The following BRCA2 variants were observed in gnomAD, a reference collection of about 807,000 sequenced individuals.
The protein encoded by BRCA2 is BRCA2 DNA repair associated.
Under a neutral mutation model 276.7 loss-of-function variants are expected in BRCA2, and 203 were observed. That is an observed-to-expected ratio of 0.73 (90% CI 0.65 to 0.82). The LOEUF is 0.82. Among genes scored for constraint, BRCA2 ranks in the 40% least tolerant of loss-of-function variants. The pLI is 0.00. For synonymous variants in BRCA2, 1,289 were observed against 1,338.4 expected (o/e 0.96, Z 0.81); for missense variants, 3,920 against 3,915.0 (o/e 1.00, Z -0.03).
chr13:32,340,132 G>A lies in BRCA2; in HGVS notation c.5777G>A (p.Ser1926Asn), dbSNP rs869320795. 3 of 1,613,368 alleles carry A rather than the reference G, an allele frequency of 1.9e-6. No individual in the cohort carries two copies. The highest frequency in any genetic ancestry group is 2.2e-5 in the East Asian group (1 of 44,854). Reference sequence around the variant, plus strand: ...CATAAGGTTTTTGCTGACATTCAGAGTGAAGAAATTTTACAACATAACCAA... The same window carrying A: ...CATAAGGTTTTTGCTGACATTCAGAATGAAGAAATTTTACAACATAACCAA... ...HSHKVFADIQSEEILQHNQNM... is the reference protein window; with the variant it reads ...HSHKVFADIQNEEILQHNQNM... Residue 1926 changes from serine (S) to asparagine (N), a missense_variant, in exon 11 of 27, where the codon AGT becomes AAT. By Grantham distance (46) the Ser-to-Asn change is conservative (BLOSUM62 1). Transcript: ENST00000380152.
chr13:32,389,613 C>T (rs1404870852), intron 24 of BRCA2, among the ~76,000 whole-genome samples: 1 of 152,182 alleles, frequency 6.6e-6, no homozygotes, highest in Non-Finnish European at 1.5e-5. Flanking sequence ...TTCCCTCTGG[C>T]CTCTGGTTTT....
In BRCA2 at chr13:32,339,582, A is replaced by G. The variant is rs397507348; in HGVS notation, c.5227A>G (p.Ser1743Gly). The change falls in exon 11 of 27, where the codon AGT (serine) becomes GGT (glycine). Residue 1743 changes from serine to glycine, a missense_variant. Ser to Gly is a moderately conservative substitution (Grantham distance 56, BLOSUM62 0). Around this residue, in one of 2 missense-constraint regions of BRCA2, gnomAD observed 3,263 missense variants for 3,156.9 expected, o/e 1.03. Coordinates refer to ENST00000380152, the MANE Select transcript of BRCA2 (RefSeq NM_000059.4). ...AAAACAAGATACTTATTTAAGTAACAGTAGCATGTCTAACAGCTATTCCTA... is the reference window on the plus strand; with the variant it reads ...AAAACAAGATACTTATTTAAGTAACGGTAGCATGTCTAACAGCTATTCCTA... ...SEKQDTYLSN[S>G]SMSNSYSYHS... The G allele has an allele frequency of 2.5e-6, 4 of 1,610,778 alleles. No individual in the cohort carries two copies. Among genetic ancestry groups the G allele is most frequent in the Non-Finnish European group, 3.4e-6 (4 of 1,177,676 alleles).
At chr13:32,375,617 A>C (rs984834169) in intron 20 of BRCA2, among the ~76,000 whole-genome samples, 1 of 151,330 alleles carries the variant, frequency 6.6e-6, no homozygotes, top group African/African-American at 2.4e-5. Context: ...CTGGAGTGCA[A>C]TGGCGTGATC....
At chr13:32,393,024 C>G (rs974150865) in intron 24 of BRCA2, among the ~76,000 whole-genome samples, 3 of 151,928 alleles carry the variant, frequency 2.0e-5, no homozygotes, top group African/African-American at 7.3e-5. Context: ...TTTCTCATGA[C>G]TAGGATGAAG....
chr13:32,338,005 G>A lies in BRCA2; in HGVS notation c.3650G>A (p.Arg1217Lys), dbSNP rs1306577496. ...ACAGATGAAAATGAAGTGGGGTTTA[G>A]GGGCTTTTATTCTGCTCATGGCACA... ...YLTDENEVGF[R>K]GFYSAHGTKL... The change falls in exon 11 of 27, where the codon AGG becomes AAG. Residue 1217 changes from arginine to lysine, a missense_variant. Physicochemically the swap from Arg to Lys is conservative, Grantham distance 26. This residue lies in a region of BRCA2 where 3,263 missense variants were observed against 3,156.9 expected (regional missense o/e 1.03). Coordinates refer to ENST00000380152, the MANE Select transcript of BRCA2 (RefSeq NM_000059.4). 1.2e-6 allele frequency: 2 copies of A among 1,613,118 alleles called. No homozygotes were observed. The highest frequency in any genetic ancestry group is 1.3e-5 in the African/African-American group (1 of 74,880).
At chr13:32,320,513 T>C (rs535575693) in intron 3 of BRCA2, among the ~76,000 whole-genome samples, 30 of 152,298 alleles carry the variant, frequency 2.0e-4, no homozygotes, top group Admixed American at 2.0e-3. Context: ...ACCTACTTTT[T>C]CCCTACTTTT....
chr13:32,383,264 G>A (rs1216131622), intron 24 of BRCA2, among the ~76,000 whole-genome samples: 1 of 152,162 alleles, frequency 6.6e-6, no homozygotes, highest in Non-Finnish European at 1.5e-5. Context: ...GGAGGCAGAG[G>A]CAGGAGAATG....
chr13:32,316,579 T>TA (rs1375877122), intron 2 of BRCA2, 52 bp downstream of exon 2: 2 of 1,517,422 alleles, frequency 1.3e-6, no homozygotes, highest in Non-Finnish European at 1.8e-6. Flanking sequence ...AAGTGTTTTC[T>TA]AAAAAATGCT....
intron 20 of BRCA2, 36 bp downstream of exon 20, chr13:32,371,136 A>G (rs1032919520): frequency 1.9e-6 from 3 of 1,600,978 alleles, no homozygotes; most frequent in African/African-American, 1.3e-5. Flanking sequence ...TGTTATTTCT[A>G]ATATGAGAAC....
Position 32,337,347 on chromosome 13 carries a change from G to C in BRCA2, c.2992G>C (p.Gly998Arg), listed in dbSNP as rs777615894. The change falls in exon 11 of 27, where the codon GGT becomes CGT. Residue 998 changes from glycine (G) to arginine (R), a missense_variant. Gly to Arg is a moderately radical substitution (Grantham distance 125). Transcript: ENST00000380152. Reference protein sequence around the residue: ...DYMNKWAGLLGPISNHSFGGS... With the variant: ...DYMNKWAGLLRPISNHSFGGS... Reference sequence around the variant, plus strand: ...CATGAACAAATGGGCAGGACTCTTAGGTCCAATTTCAAATCACAGTTTTGG... The same window carrying C: ...CATGAACAAATGGGCAGGACTCTTACGTCCAATTTCAAATCACAGTTTTGG... The C allele has an allele frequency of 6.2e-7, 1 of 1,613,730 alleles. No homozygotes were observed. Among genetic ancestry groups the C allele is most frequent in the South Asian group, 1.1e-5 (1 of 91,054 alleles).
rs1274827989 is a variant in BRCA2 at position 32,333,054 on chromosome 13, G to C, written c.1576G>C (p.Asp526His). ...FNASFSGHMT[D>H]PNFKKETEAS... ...TGCAAGTTTTTCAGGTCATATGACT[G>C]ATCCAAACTTTAAAAAAGAAACTGA... is the stretch of plus-strand genomic sequence containing the variant. The change falls in exon 10 of 27, where the codon GAT (aspartate) becomes CAT (histidine). Residue 526 changes from aspartate to histidine, a missense_variant. Asp to His is a moderately conservative substitution (Grantham distance 81). Transcript: ENST00000380152. The C allele has an allele frequency of 1.2e-6, 2 of 1,609,566 alleles. No individual in the cohort carries two copies. The highest frequency in any genetic ancestry group is 1.7e-6 in the Non-Finnish European group (2 of 1,179,068).
chr13:32,324,434 CACAT>C (rs2072329046), intron 3 of BRCA2, among the ~76,000 whole-genome samples: 1 of 152,076 alleles, frequency 6.6e-6, no homozygotes, highest in South Asian at 2.1e-4. Flanking sequence ...AGTAAATTGT[CACAT>C]AAATATATAT....
intron 17 of BRCA2, 147 bp downstream of exon 17, chr13:32,362,840 A>C (rs1222567083): frequency 6.8e-6 from 6 of 883,626 alleles, no homozygotes; most frequent in Non-Finnish European, 8.9e-6. Flanking sequence ...TGTCATCCCT[A>C]GCCCCCATTT....
At position 32,340,701 on chromosome 13, in the gene BRCA2, C is replaced by T. The variant is rs2137526607; in HGVS notation, c.6346C>T (p.His2116Tyr). ...LPRVDKRNPE[H>Y]CVNSEMEKTC... The stretch of plus-strand genomic sequence containing the variant: ...TCGTGTTGATAAGAGAAACCCAGAG[C>T]ACTGTGTAAACTCAGAAATGGAAAA... The change falls in exon 11 of 27, where the codon CAC becomes TAC. Residue 2116 changes from histidine (H) to tyrosine (Y), a missense_variant. His to Tyr is a moderately conservative substitution (Grantham distance 83). This residue lies in a region of BRCA2 where 3,263 missense variants were observed against 3,156.9 expected (regional missense o/e 1.03). Transcript: ENST00000380152. 1.2e-6 allele frequency: 2 copies of T among 1,609,658 alleles called. No individual in the cohort carries two copies. Among genetic ancestry groups the T allele is most frequent in the South Asian group, 1.1e-5 (1 of 89,776 alleles).
chr13:32,376,013 A>G (rs2072868680), intron 20 of BRCA2, among the ~76,000 whole-genome samples: 1 of 152,204 alleles, frequency 6.6e-6, no homozygotes, highest in Non-Finnish European at 1.5e-5. Flanking sequence ...AAGTGAGCAC[A>G]TACTGTTGCG....
chr13:32,336,716 A>G lies in BRCA2; in HGVS notation c.2361A>G (p.Arg787=). The change falls in exon 11 of 27, where the codon AGA becomes AGG. Residue 787 remains arginine, a synonymous_variant. Coordinates refer to ENST00000380152, the MANE Select transcript of BRCA2 (RefSeq NM_000059.4). ...DVLSNLVMIS[R]GKESYKMSDK... ...TGTCAAACCTAGTCATGATTTCTAG[A>G]GGCAAAGAATCATACAAAATGTCAG... 6.2e-7 allele frequency: 1 copy of G among 1,614,036 alleles called. No individual in the cohort carries two copies. Among genetic ancestry groups the G allele is most frequent in the Non-Finnish European group, 8.5e-7 (1 of 1,179,946 alleles).
rs113433416 is a variant in BRCA2 at position 32,363,156 on chromosome 13, T to C, written c.7977-23T>C. Reference sequence around the variant, plus strand: ...TTCTAGAGTCACACTTCCTAAAATATGCATTTTTGTTTTCACTTTTAGATA... The same window carrying C: ...TTCTAGAGTCACACTTCCTAAAATACGCATTTTTGTTTTCACTTTTAGATA... On this transcript the variant is annotated intron_variant, in intron 17 of 26. Coordinates refer to ENST00000380152, the MANE Select transcript of BRCA2 (RefSeq NM_000059.4). 27 of 1,585,518 alleles carry C rather than the reference T, an allele frequency of 1.7e-5. No individual in the cohort carries two copies. The South Asian group carries it at 2.0e-4, about 12-fold the overall frequency.
chr13:32,375,726 A>G (rs1165164376), intron 20 of BRCA2, among the ~76,000 whole-genome samples: 1 of 151,914 alleles, frequency 6.6e-6, no homozygotes, highest in Non-Finnish European at 1.5e-5. Context: ...ACGCCCGGCT[A>G]ATTTTGTATT....
intron 16 of BRCA2, among the ~76,000 whole-genome samples, chr13:32,358,348 C>T (rs2137568890): frequency 6.6e-6 from 1 of 151,530 alleles, no homozygotes; most frequent in South Asian, 2.1e-4. Context: ...TGGTGGCAGG[C>T]ACCTGTAATC....
Sources: allele counts gnomAD v4.1 joint callset (sites outside exome capture counted in the v4.1 genomes callset), GRCh38; gene constraint gnomAD v4.1.1; regional missense constraint gnomAD v4.1.1; transcripts MANE v1.5; gene names NCBI Gene and HGNC (gene_info 2026-07-23, HGNC 2026-07-21).